EIF2A: variants seen among roughly 807,000 people sequenced by gnomAD.
The protein encoded by EIF2A is 65 kDa eukaryotic translation initiation factor 2A.
A neutral mutation model predicts 75.2 loss-of-function variants in EIF2A; 62 were observed. The ratio of observed to expected loss-of-function variants is 0.82; its 90% confidence interval spans 0.67 to 1.02. The LOEUF (loss-of-function observed/expected upper bound fraction) is 1.02, where lower values mean the gene tolerates loss of function less well. Among genes scored for constraint, EIF2A ranks in the 50% least tolerant of loss-of-function variants. The pLI is 0.00. For synonymous variants in EIF2A, 207 were observed against 239.0 expected (o/e 0.87, Z 1.23); for missense variants, 611 against 677.7 (o/e 0.90, Z 1.09).
At chr3:150,554,074 A>G (rs1185563448) in intron 2 of EIF2A, among the ~76,000 whole-genome samples, 1 of 152,170 alleles carries the variant, frequency 6.6e-6, no homozygotes, top group Non-Finnish European at 1.5e-5. Context: ...TGTGCCAGAA[A>G]GCAAAGCTAT....
intron 3 of EIF2A, among the ~76,000 whole-genome samples, chr3:150,561,989 C>G (rs1250586125): frequency 6.6e-6 from 1 of 151,848 alleles, no homozygotes; most frequent in African/African-American, 2.4e-5. Flanking sequence ...GAACTCCCGA[C>G]CTCAGGTGAT....
At chr3:150,564,704 CCTAGTT>C (rs888362122) in intron 6 of EIF2A, 4 of 196,730 alleles carry the variant, frequency 2.0e-5, no homozygotes, top group Non-Finnish European at 4.2e-5. Flanking sequence ...ACTTCAGACA[CCTAGTT>C]CTAGTAACCA....
intron 4 of EIF2A, 144 bp downstream of exon 4, chr3:150,562,804 A>G (rs574177814): frequency 1.6e-6 from 1 of 606,504 alleles, no homozygotes; most frequent in African/African-American, 1.9e-5. Flanking sequence ...TATGATCTAC[A>G]GTGAATCTTG....
At chr3:150,571,444 G>T (rs1019772577) in intron 9 of EIF2A, among the ~76,000 whole-genome samples, 49 of 151,980 alleles carry the variant, frequency 3.2e-4, no homozygotes, top group African/African-American at 9.7e-4. Flanking sequence ...CTGGTCTTAT[G>T]TGGCATTTTT....
At chr3:150,554,060 C>T (rs549211935) in intron 2 of EIF2A, among the ~76,000 whole-genome samples, 95 of 152,244 alleles carry the variant, frequency 6.2e-4, no homozygotes, top group African/African-American at 1.9e-3. Flanking sequence ...GAGGTAGCAA[C>T]TTTTGTGCCA....
At chr3:150,553,444 T>A (rs897373137) in intron 2 of EIF2A, among the ~76,000 whole-genome samples, 1 of 152,196 alleles carries the variant, frequency 6.6e-6, no homozygotes, top group Non-Finnish European at 1.5e-5. Context: ...GTTTTGCCCT[T>A]GTTGCCCAGG....
chr3:150,548,551 C>T (rs1723158860), intron 1 of EIF2A, among the ~76,000 whole-genome samples: 1 of 152,158 alleles, frequency 6.6e-6, no homozygotes, highest in Non-Finnish European at 1.5e-5. Context: ...CGGACTGGTA[C>T]TGGGCAAGCA....
At chr3:150,582,922 G>C (rs148447236) in intron 12 of EIF2A, among the ~76,000 whole-genome samples, 323 of 152,264 alleles carry the variant, frequency 2.1e-3, no homozygotes, top group African/African-American at 7.4e-3. Flanking sequence ...ATGGGGCATT[G>C]AAATGTGCCA....
In EIF2A at chr3:150,585,790, T is replaced by G. The variant is rs563243673; in HGVS notation, c.*1879T>G. ...TGGGCCTTTTGGAAGGTAAGTGTGT[T>G]TGAATGAGGTGAAGAGGTTGGGGAC... On this transcript the variant is annotated 3_prime_UTR_variant, in exon 14 of 14. Transcript: ENST00000460851. Among the ~76,000 whole-genome samples, 1 of 152,220 alleles carries G rather than the reference T, an allele frequency of 6.6e-6. No individual in the cohort carries two copies. The highest frequency in any genetic ancestry group is 2.1e-4 in the South Asian group (1 of 4,816).
chr3:150,572,422 A>G lies in EIF2A; in HGVS notation c.1276A>G (p.Ile426Val). Reference sequence around the variant, plus strand: ...GGATGGAATATTTCCAGCAAAAACAATAACTTACCAAGCAGTTCCAAGTGA... The same window carrying G: ...GGATGGAATATTTCCAGCAAAAACAGTAACTTACCAAGCAGTTCCAAGTGA... The part of the protein sequence containing the change: ...FLDGIFPAKT[I>V]TYQAVPSEVP... The change falls in exon 10 of 14, where the codon ATA (isoleucine) becomes GTA (valine). Residue 426 changes from isoleucine to valine, a missense_variant. Ile to Val is a conservative substitution (Grantham distance 29). Coordinates refer to ENST00000460851, the MANE Select transcript of EIF2A (RefSeq NM_032025.5). 1 of 1,614,064 alleles carries G rather than the reference A, an allele frequency of 6.2e-7. No homozygotes were observed. The highest frequency in any genetic ancestry group is 1.1e-5 in the South Asian group (1 of 91,090).
At chr3:150,551,570 A>G (rs1198884762) in intron 1 of EIF2A, among the ~76,000 whole-genome samples, 1 of 151,376 alleles carries the variant, frequency 6.6e-6, no homozygotes, top group Non-Finnish European at 1.5e-5. Context: ...GTCTCTACAA[A>G]AAAAAAAAAT....
intron 11 of EIF2A, among the ~76,000 whole-genome samples, chr3:150,579,702 C>CAAA (rs66761185): frequency 1.0e-3 from 138 of 134,116 alleles, no homozygotes; most frequent in Admixed American, 4.9e-3. Context: ...ACTCTGTCTC[C>CAAA]AAAAAAAAAA....
intron 2 of EIF2A, among the ~76,000 whole-genome samples, chr3:150,553,928 A>G (rs1212837830): frequency 6.6e-6 from 1 of 152,198 alleles, no homozygotes; most frequent in African/African-American, 2.4e-5. Flanking sequence ...CAGTGATAAC[A>G]CAGTAGCAGT....
intron 3 of EIF2A, among the ~76,000 whole-genome samples, chr3:150,561,195 C>T (rs1310904573): frequency 6.6e-6 from 1 of 152,154 alleles, no homozygotes; most frequent in African/African-American, 2.4e-5. Context: ...AACTCCTGGG[C>T]TCAAGCAGTC....
chr3:150,578,079 G>C lies in EIF2A; in HGVS notation c.1497+2317G>C, dbSNP rs557180534. ...TGGCCCTGGATATTACAACTCATTA[G>C]TAGTATCCTTAACAACTTGATAACT... is the stretch of plus-strand genomic sequence containing the variant. On this transcript the variant is annotated intron_variant, in intron 11 of 13. Coordinates refer to ENST00000460851, the MANE Select transcript of EIF2A (RefSeq NM_032025.5). 3.9e-5 allele frequency among the ~76,000 whole-genome samples: 6 copies of C among 152,120 alleles called. No homozygotes were observed. The South Asian group carries it at 1.2e-3, about 32-fold the overall frequency.
chr3:150,582,823 C>G (rs1201754550), intron 12 of EIF2A, among the ~76,000 whole-genome samples: 2 of 152,154 alleles, frequency 1.3e-5, no homozygotes, highest in Non-Finnish European at 2.9e-5. Context: ...CTTTCATTCA[C>G]TTTTTATCGG....
At position 150,583,229 on chromosome 3, in the gene EIF2A, A is replaced by G. The variant is rs781161350; in HGVS notation, c.1656A>G (p.Glu552=). The G allele has an allele frequency of 1.1e-5, 18 of 1,612,964 alleles. No homozygotes were observed. The highest frequency in any genetic ancestry group is 1.6e-4 in the Middle Eastern group (1 of 6,082). The part of the protein sequence containing the change: ...KKLKAIEQLK[E]QAATGKQLEK... ...TGAAAGCAATCGAACAACTGAAAGA[A>G]CAAGCAGCAACTGGAAAACAGCTAG... The change falls in exon 13 of 14, where the codon GAA becomes GAG. Residue 552 remains glutamate, a synonymous_variant. Transcript: ENST00000460851.
chr3:150,566,693 C>T (rs192787886), intron 6 of EIF2A: 4 of 152,160 alleles, frequency 2.6e-5, no homozygotes, highest in Non-Finnish European at 5.9e-5. Flanking sequence ...TTGAGAATAT[C>T]ACATTCACAT....
intron 3 of EIF2A, among the ~76,000 whole-genome samples, 199 bp from the exon 4 acceptor site, chr3:150,562,343 A>ACC (rs1723925653): frequency 6.6e-6 from 1 of 151,614 alleles, no homozygotes; most frequent in African/African-American, 2.4e-5. Context: ...AATGGCATGA[A>ACC]CCGGGGAGGT....
Sources: allele counts gnomAD v4.1 joint callset (sites outside exome capture counted in the v4.1 genomes callset), GRCh38; gene constraint gnomAD v4.1.1; transcripts MANE v1.5; gene names NCBI Gene and HGNC (gene_info 2026-07-23, HGNC 2026-07-21).